The following PCSK2 variants were observed in gnomAD, a reference collection of about 807,000 sequenced individuals.
PCSK2 encodes proprotein convertase subtilisin/kexin type 2, also known as neuroendocrine convertase 2.
Under a neutral mutation model 69.7 loss-of-function variants are expected in PCSK2, and 14 were observed. That is an observed-to-expected ratio of 0.20 (90% confidence interval 0.13 to 0.31). PCSK2 has a LOEUF of 0.31. Among genes scored for constraint, PCSK2 ranks in the 10% least tolerant of loss-of-function variants. The pLI is 1.00. For synonymous variants in PCSK2, 307 were observed against 320.7 expected, an observed-to-expected ratio of 0.96 and a Z score of 0.46; for missense variants, 544 against 842.5, an observed-to-expected ratio of 0.65 and a Z score of 4.39.
chr20:17,367,468 A>G (rs2030627782), intron 4 of PCSK2, among the ~76,000 whole-genome samples: 1 of 152,274 alleles, frequency 6.6e-6, no homozygotes, highest in Admixed American at 6.5e-5. Flanking sequence ...GGCTAAAGCC[A>G]CACAAGTGTT....
At chr20:17,348,420 AT>A (rs2029880345) in intron 2 of PCSK2, among the ~76,000 whole-genome samples, 1 of 152,216 alleles carries the variant, frequency 6.6e-6, no homozygotes, top group Non-Finnish European at 1.5e-5. Context: ...AACTGCTGGC[AT>A]TTCTTGAGTT....
chr20:17,301,993 C>T (rs527894423), intron 2 of PCSK2, among the ~76,000 whole-genome samples: 1 of 152,050 alleles, frequency 6.6e-6, no homozygotes, highest in East Asian at 1.9e-4. Context: ...GTACAGCAGC[C>T]TTGACCTTCA....
intron 1 of PCSK2, among the ~76,000 whole-genome samples, chr20:17,239,268 G>A (rs1986462632): frequency 6.6e-6 from 1 of 152,196 alleles, no homozygotes; most frequent in African/African-American, 2.4e-5. Flanking sequence ...GATGATGGAA[G>A]CTCAAACCCA....
chr20:17,440,664 C>T (rs2032576554), intron 8 of PCSK2, among the ~76,000 whole-genome samples: 1 of 152,104 alleles, frequency 6.6e-6, no homozygotes, highest in African/African-American at 2.4e-5. Context: ...AGTTCAAGAC[C>T]AGCCTGATCA....
At chr20:17,344,073 T>C (rs1378439788) in intron 2 of PCSK2, among the ~76,000 whole-genome samples, 1 of 152,248 alleles carries the variant, frequency 6.6e-6, no homozygotes, top group Non-Finnish European at 1.5e-5. Context: ...GCATGGATTG[T>C]TCTGTATCTT....
chr20:17,432,063 C>T (rs1230991730), intron 7 of PCSK2, among the ~76,000 whole-genome samples: 1 of 152,090 alleles, frequency 6.6e-6, no homozygotes, highest in Non-Finnish European at 1.5e-5. Context: ...CCAGAAAAAG[C>T]CCAAAGTTAA....
In PCSK2 at chr20:17,339,709, GA is replaced by G. The variant is rs368397431; in HGVS notation, c.283-18616del. On this transcript the variant is annotated intron_variant, in intron 2 of 11. Coordinates refer to ENST00000262545, the MANE Select transcript of PCSK2 (RefSeq NM_002594.5). ...GTTTATTTGTTTGTTTGTTTTCCAG[GA>G]ATATTGTTAGGAATATTCCCAAGCT... Among the ~76,000 whole-genome samples the G allele has an allele frequency of 4.6e-3, 703 of 152,194 alleles. 4 individuals are homozygous for G. The highest frequency in any genetic ancestry group is 0.016 in the African/African-American group (672 of 41,530).
chr20:17,320,843 T>C (rs961819824), intron 2 of PCSK2, among the ~76,000 whole-genome samples: 18 of 152,186 alleles, frequency 1.2e-4, no homozygotes, highest in Admixed American at 9.2e-4. Context: ...AGAAGGAATA[T>C]GGGAAAGGCT....
intron 11 of PCSK2, among the ~76,000 whole-genome samples, chr20:17,479,892 A>G (rs552616499): frequency 3.7e-4 from 56 of 152,074 alleles, no homozygotes; most frequent in African/African-American, 1.3e-3. Context: ...AGCAGTAAAC[A>G]TAGAAGCAGA....
intron 2 of PCSK2, among the ~76,000 whole-genome samples, chr20:17,268,110 T>C (rs1441277258): frequency 6.7e-6 from 1 of 148,714 alleles, no homozygotes; most frequent in Admixed American, 6.8e-5. Flanking sequence ...TGATTATATG[T>C]GTATGCTTAT....
At chr20:17,393,195 G>T (rs1050797308) in intron 5 of PCSK2, among the ~76,000 whole-genome samples, 1 of 152,114 alleles carries the variant, frequency 6.6e-6, no homozygotes, top group Non-Finnish European at 1.5e-5. Context: ...AATGAGACCA[G>T]AACATCACTT....
At chr20:17,249,504 CAAA>C (rs56315843) in intron 1 of PCSK2, among the ~76,000 whole-genome samples, 2 of 112,362 alleles carry the variant, frequency 1.8e-5, no homozygotes, top group Non-Finnish European at 1.7e-5. Flanking sequence ...GACTCTGTCT[CAAA>C]AAAAAAAAAA....
chr20:17,361,863 TA>T (rs941328545), intron 4 of PCSK2, among the ~76,000 whole-genome samples: 1 of 152,218 alleles, frequency 6.6e-6, no homozygotes, highest in Non-Finnish European at 1.5e-5. Flanking sequence ...CAGGAGTTTA[TA>T]AATGTTTCTT....
intron 8 of PCSK2, among the ~76,000 whole-genome samples, chr20:17,444,416 C>T (rs961045994): frequency 2.0e-5 from 3 of 152,186 alleles, no homozygotes; most frequent in Non-Finnish European, 4.4e-5. Flanking sequence ...CCTACATTTG[C>T]TTAGTAAATA....
At chr20:17,255,875 A>T (rs1987159169) in intron 1 of PCSK2, among the ~76,000 whole-genome samples, 1 of 151,992 alleles carries the variant, frequency 6.6e-6, no homozygotes. Context: ...TATTTTGATG[A>T]GCATTTTTTT....
rs1421622898 is a variant in PCSK2, at chr20:17,436,799, C to G, written c.801C>G (p.Ala267=). The change falls in exon 8 of 12, where the codon GCC becomes GCG. Residue 267 remains alanine (A), a synonymous_variant. Coordinates refer to ENST00000262545, the MANE Select transcript of PCSK2 (RefSeq NM_002594.5). The stretch of plus-strand genomic sequence containing the variant: ...CACAGCTGATTGACATCTACAGCGC[C>G]AGCTGGGGCCCCACAGACAACGGCA... ...HMPQLIDIYS[A]SWGPTDNGKT... is the part of the protein sequence containing the mutation. 1.9e-6 allele frequency: 3 copies of G among 1,613,930 alleles called. No homozygotes were observed. The African/African-American group carries it at 4.0e-5, about 22-fold the overall frequency.
At chr20:17,298,052 T>A (rs1387570803) in intron 2 of PCSK2, among the ~76,000 whole-genome samples, 1 of 152,216 alleles carries the variant, frequency 6.6e-6, no homozygotes, top group Non-Finnish European at 1.5e-5. Flanking sequence ...TCCTTCCTCT[T>A]ACGCTTTGAA....
chr20:17,431,669 C>G (rs1250552079), intron 7 of PCSK2, among the ~76,000 whole-genome samples: 29 of 152,324 alleles, frequency 1.9e-4, no homozygotes, highest in Non-Finnish European at 2.9e-5. Context: ...CTGCGAGGCT[C>G]CAGTCCCATG....
intron 2 of PCSK2, among the ~76,000 whole-genome samples, chr20:17,322,329 A>T (rs1266333316): frequency 6.6e-6 from 1 of 152,124 alleles, no homozygotes; most frequent in African/African-American, 2.4e-5. Context: ...ATTGATGAGT[A>T]AGTCATCAAT....
Sources: allele counts gnomAD v4.1 joint callset (sites outside exome capture counted in the v4.1 genomes callset), GRCh38; gene constraint gnomAD v4.1.1; transcripts MANE v1.5; gene names NCBI Gene and HGNC (gene_info 2026-07-23, HGNC 2026-07-21).